Variants in TMED3 observed in about 807,000 individuals in gnomAD.
TMED3 encodes the protein transmembrane p24 trafficking protein 3.
TMED3 carries 9 observed loss-of-function variants against 15.0 expected under a neutral mutation model. That is an observed-to-expected ratio of 0.60 (90% CI 0.36 to 1.04). TMED3 has a LOEUF of 1.04. TMED3 is among the 50% of genes least tolerant of loss of function. The pLI is 0.01. For missense variants in TMED3, 267 were observed against 278.9 expected, an observed-to-expected ratio of 0.96 and a Z score of 0.30; for synonymous variants, 117 against 121.4, an observed-to-expected ratio of 0.96 and a Z score of 0.24.
intron 2 of TMED3, among the ~76,000 whole-genome samples, chr15:79,366,592 T>A (rs968466795): frequency 6.6e-6 from 1 of 152,240 alleles, no homozygotes; most frequent in African/African-American, 2.4e-5. Context: ...ACTAAAGATT[T>A]TCCTTTATTT....
At chr15:79,357,564 G>A (rs920790967) in intron 2 of TMED3, among the ~76,000 whole-genome samples, 1 of 147,406 alleles carries the variant, frequency 6.8e-6, no homozygotes, top group Non-Finnish European at 1.5e-5. Context: ...TCTTGAACTA[G>A]TGTTATACCT....
intron 2 of TMED3, among the ~76,000 whole-genome samples, chr15:79,346,699 G>GTA (rs2058872693): frequency 6.6e-6 from 1 of 152,084 alleles, no homozygotes; most frequent in Non-Finnish European, 1.5e-5. Flanking sequence ...TTTGTATATG[G>GTA]TGTAAGGAAG....
chr15:79,344,670 T>A (rs1427769278), intron 2 of TMED3, among the ~76,000 whole-genome samples: 12 of 152,190 alleles, frequency 7.9e-5, no homozygotes, highest in Admixed American at 7.9e-4. Context: ...CATTCCCAGG[T>A]TCCAGGAAGA....
Position 79,311,117 on chromosome 15 carries a change from C to A in TMED3, c.-133C>A. The A allele has an allele frequency of 2.9e-6, 3 of 1,041,936 alleles. No individual in the cohort carries two copies. Among genetic ancestry groups the A allele is most frequent in the Admixed American group, 3.4e-5 (1 of 29,610 alleles). 64.5% of individuals were successfully genotyped at this position (1,041,936 alleles called of 1,614,324 possible). A position where few individuals can be genotyped will look rare whatever the true frequency, so the allele number is the denominator to read the frequency against. On this transcript the variant is annotated 5_prime_UTR_variant, in exon 1 of 3. Coordinates refer to ENST00000299705, the MANE Select transcript of TMED3 (RefSeq NM_007364.4). ...CTGCGCACTGAGCCGCCGGCCCTCC[C>A]GGAAGCGCAGAGCTCCGCTGGTGCC...
At position 79,320,351 on chromosome 15, in the gene TMED3, C is replaced by CA. The variant is rs200463017; in HGVS notation, c.418-1624dup. 1.7e-3 allele frequency among the ~76,000 whole-genome samples: 262 copies of CA among 152,080 alleles called. 3 individuals carry two copies. In the East Asian group the frequency reaches 0.044, roughly 26 times the overall value. ...ATATTGGAATAAAGAGTAATTGCCA[C>CA]AAACTAATGATTAATGATATTCATA... On this transcript the variant is annotated intron_variant, in intron 2 of 2. Coordinates refer to ENST00000299705, the MANE Select transcript of TMED3 (RefSeq NM_007364.4).
chr15:79,362,760 A>G (rs1174130961), intron 2 of TMED3, among the ~76,000 whole-genome samples: 1 of 152,140 alleles, frequency 6.6e-6, no homozygotes. Flanking sequence ...GCTGCCATGT[A>G]AGATGTGACT....
chr15:79,367,671 A>C (rs1893261720), intron 2 of TMED3, among the ~76,000 whole-genome samples: 1 of 152,222 alleles, frequency 6.6e-6, no homozygotes, highest in African/African-American at 2.4e-5. Flanking sequence ...GCTGCCAGCA[A>C]AGGCTGTTGG....
rs143359712 is a variant in TMED3 at position 79,381,316 on chromosome 15, A to C, written c.418-30084A>C. The stretch of plus-strand genomic sequence containing the variant: ...ATGAACCTGAGCCAAGGCAGAGTGC[A>C]CACAGACCCCATGAACCAAAGGAGA... On this transcript the variant is annotated intron_variant, in intron 2 of 2. Transcript: ENST00000424155. Among the ~76,000 whole-genome samples, 188 of 152,310 alleles carry C rather than the reference A, an allele frequency of 1.2e-3. 1 individual carries two copies. The highest frequency in any genetic ancestry group is 6.8e-3 in the Middle Eastern group (2 of 294).
intron 2 of TMED3, among the ~76,000 whole-genome samples, chr15:79,344,929 A>G (rs951943834): frequency 6.6e-6 from 1 of 152,152 alleles, no homozygotes; most frequent in East Asian, 1.9e-4. Context: ...GGAGATGTGG[A>G]AGAGACTGTT....
chr15:79,402,486 G>C (rs76008270), intron 2 of TMED3, among the ~76,000 whole-genome samples: 4,249 of 152,156 alleles, frequency 0.028, 213 homozygotes, highest in African/African-American at 0.097. Context: ...AGGGTAAAAG[G>C]TGGGCCAAGG....
At chr15:79,405,307 T>C (rs1281935241) in intron 2 of TMED3, among the ~76,000 whole-genome samples, 1 of 152,168 alleles carries the variant, frequency 6.6e-6, no homozygotes, top group Non-Finnish European at 1.5e-5. Context: ...CAGAGCATCC[T>C]CACTCCCTTC....
intron 2 of TMED3, among the ~76,000 whole-genome samples, chr15:79,410,344 T>G (rs559453533): frequency 6.6e-6 from 1 of 152,268 alleles, no homozygotes; most frequent in East Asian, 1.9e-4. Context: ...ATTTTTCCCA[T>G]CGGAATGAAG....
chr15:79,313,578 A>G (rs1451057497), intron 1 of TMED3, among the ~76,000 whole-genome samples, 179 bp from the exon 2 acceptor site: 1 of 152,226 alleles, frequency 6.6e-6, no homozygotes, highest in Non-Finnish European at 1.5e-5. Flanking sequence ...GTGTGACCAC[A>G]GCCAATTTAT....
At chr15:79,361,887 C>A (rs1483749042) in intron 2 of TMED3, among the ~76,000 whole-genome samples, 1 of 151,804 alleles carries the variant, frequency 6.6e-6, no homozygotes, top group African/African-American at 2.4e-5. Flanking sequence ...AAATTATTTT[C>A]CTTTTTTAAA....
At chr15:79,358,279 G>C (rs990202279) in intron 2 of TMED3, among the ~76,000 whole-genome samples, 2 of 152,204 alleles carry the variant, frequency 1.3e-5, no homozygotes, top group Admixed American at 6.5e-5. Context: ...ACAGCTGCAA[G>C]GTCAGGACTT....
chr15:79,322,356 C>G lies in TMED3; in HGVS notation c.*142C>G, dbSNP rs1341218707. On this transcript the variant is annotated 3_prime_UTR_variant, in exon 3 of 3. Transcript: ENST00000299705. ...TAGCCCTTTGCCTTTCATGCCCATG[C>G]TTGATTCTTGCACCTCAGCAGCTGA... 6.8e-7 allele frequency: 1 copy of G among 1,470,558 alleles called. No homozygotes were observed. Among genetic ancestry groups the G allele is most frequent in the East Asian group, 2.4e-5 (1 of 42,354 alleles). The allele number at this position is 1,470,558 out of a possible 1,614,324, so 91.1% of individuals were successfully genotyped here.
chr15:79,394,500 T>TACTG (rs889107058), intron 2 of TMED3, among the ~76,000 whole-genome samples: 25 of 152,326 alleles, frequency 1.6e-4, no homozygotes, highest in African/African-American at 5.8e-4. Context: ...GTCTAATTGT[T>TACTG]ACTGGAGCAG....
At chr15:79,382,939 G>T in intron 2 of TMED3, 1 of 1,534,446 alleles carries the variant, frequency 6.5e-7, no homozygotes, top group Non-Finnish European at 8.7e-7. Flanking sequence ...AATTACAAGG[G>T]CATAAACACG....
chr15:79,397,909 T>C (rs1893782624), intron 2 of TMED3, among the ~76,000 whole-genome samples: 1 of 152,168 alleles, frequency 6.6e-6, no homozygotes, highest in Non-Finnish European at 1.5e-5. Context: ...ACTAGCCCCA[T>C]ACCCAACCTC....
Sources: allele counts gnomAD v4.1 joint callset (sites outside exome capture counted in the v4.1 genomes callset), GRCh38; gene constraint gnomAD v4.1.1; transcripts MANE v1.5; gene names NCBI Gene and HGNC (gene_info 2026-07-23, HGNC 2026-07-21).